PAK3: variants seen among roughly 807,000 people sequenced by gnomAD.
PAK3 encodes the protein serine/threonine-protein kinase PAK 3.
Under a neutral mutation model 41.0 loss-of-function variants are expected in PAK3, and 4 were observed. That is an observed-to-expected ratio of 0.10 (90% CI 0.05 to 0.22). The LOEUF is 0.22. PAK3 is among the 10% of genes least tolerant of loss of function. PAK3 has a pLI of 1.00. For synonymous variants in PAK3, 146 were observed against 139.6 expected, an observed-to-expected ratio of 1.05 and a Z score of -0.32; for missense variants, 205 against 409.9, an observed-to-expected ratio of 0.50 and a Z score of 4.32.
chrX:111,028,001 G>GTGTGTATATATATACACATATATA (rs1556448871), intron 1 of PAK3, among the ~76,000 whole-genome samples: 2 of 96,191 alleles, frequency 2.1e-5, no homozygotes, highest in African/African-American at 7.7e-5. Context: ...ATATGTGTGT[G>GTGTGTATATATATACACATATATA]TGTGTATATA....
intron 1 of PAK3, among the ~76,000 whole-genome samples, chrX:111,029,381 T>C (rs772659166): frequency 3.6e-5 from 4 of 110,718 alleles, no homozygotes; most frequent in Non-Finnish European, 7.6e-5. Flanking sequence ...AACTTTTCAG[T>C]CCCCCAAAAC....
At chrX:111,040,195 C>G (rs2092440495) in intron 1 of PAK3, among the ~76,000 whole-genome samples, 1 of 109,950 alleles carries the variant, frequency 9.1e-6, no homozygotes, top group Non-Finnish European at 1.9e-5. Flanking sequence ...TAGCCAAGTT[C>G]CACCGAATGA....
intron 1 of PAK3, among the ~76,000 whole-genome samples, chrX:110,998,103 T>C (rs1183790378): frequency 1.8e-5 from 2 of 111,501 alleles, no homozygotes; most frequent in Admixed American, 1.9e-4. Flanking sequence ...AATAGAGAAT[T>C]GAATATACAA....
At chrX:111,079,229 C>T (rs2092813393) in intron 1 of PAK3, among the ~76,000 whole-genome samples, 1 of 111,789 alleles carries the variant, frequency 8.9e-6, no homozygotes, top group Non-Finnish European at 1.9e-5. Context: ...GAGAAGATGC[C>T]ATCTAAGGAC....
chrX:111,149,389 C>T (rs935769157), intron 7 of PAK3, among the ~76,000 whole-genome samples: 9 of 112,123 alleles, frequency 8.0e-5, no homozygotes, highest in African/African-American at 2.9e-4. Context: ...CTCCACTAGG[C>T]AGTGCCCTAG....
intron 16 of PAK3, among the ~76,000 whole-genome samples, chrX:111,200,495 C>T (rs891454473): frequency 1.8e-5 from 2 of 112,137 alleles, no homozygotes; most frequent in Admixed American, 1.9e-4. Flanking sequence ...TGATTAGCTG[C>T]CTTCAGGGCT....
chrX:111,146,332 C>T (rs757067298), intron 6 of PAK3, among the ~76,000 whole-genome samples: 1 of 111,574 alleles, frequency 9.0e-6, no homozygotes, highest in East Asian at 2.8e-4. Flanking sequence ...TCTCTCTGTT[C>T]TCTTAAATCT....
At chrX:111,148,072 A>C (rs2093974451) in intron 7 of PAK3, 182 bp downstream of exon 7, 1 of 113,928 alleles carries the variant, frequency 8.8e-6, no homozygotes, top group Admixed American at 9.4e-5. Context: ...ATATAACTCA[A>C]GTATGTTTAG....
intron 1 of PAK3, among the ~76,000 whole-genome samples, chrX:111,006,849 C>CTTTCTTTCTTT (rs1556434441): frequency 1.7e-3 from 72 of 42,667 alleles, no homozygotes; most frequent in East Asian, 2.8e-3. Context: ...TTCTTTCTTT[C>CTTTCTTTCTTT]TTTTTTTTTT....
chrX:110,961,005 T>TA (rs778645098), intron 1 of PAK3, among the ~76,000 whole-genome samples: 1 of 111,245 alleles, frequency 9.0e-6, no homozygotes, highest in South Asian at 3.9e-4. Flanking sequence ...TGTCAATATA[T>TA]TTTTTTTCCT....
chrX:111,107,146 GT>G (rs1277514279), intron 4 of PAK3, among the ~76,000 whole-genome samples: 1 of 111,718 alleles, frequency 9.0e-6, no homozygotes, highest in African/African-American at 3.3e-5. Context: ...CATGTCTCTG[GT>G]TTTATATTTA....
chrX:111,060,751 C>T (rs755503649), intron 1 of PAK3, among the ~76,000 whole-genome samples: 90 of 111,399 alleles, frequency 8.1e-4, no homozygotes, highest in Non-Finnish European at 1.5e-3. Context: ...CCTTGTAGAC[C>T]GTCTTGCATT....
At chrX:111,211,690 AAG>A (rs1556320331) in intron 16 of PAK3, among the ~76,000 whole-genome samples, 1 of 109,335 alleles carries the variant, frequency 9.1e-6, no homozygotes, top group Non-Finnish European at 1.9e-5. Flanking sequence ...AAAAAAAAAA[AAG>A]AAAGAAAATG....
At chrX:111,046,628 G>A (rs1333709804) in intron 1 of PAK3, among the ~76,000 whole-genome samples, 3 of 111,566 alleles carry the variant, frequency 2.7e-5, no homozygotes, top group Non-Finnish European at 5.6e-5. Context: ...TGTAACCTCG[G>A]ACAAGTCACT....
intron 1 of PAK3, among the ~76,000 whole-genome samples, chrX:111,017,467 G>A (rs901101308): frequency 4.5e-5 from 5 of 111,369 alleles, no homozygotes; most frequent in Non-Finnish European, 9.4e-5. Flanking sequence ...ATGAAGAATG[G>A]CATGTTAACA....
At chrX:111,146,888 G>A (rs748895459) in intron 6 of PAK3, among the ~76,000 whole-genome samples, 7 of 111,784 alleles carry the variant, frequency 6.3e-5, no homozygotes, top group Non-Finnish European at 1.3e-4. Context: ...AATGCTCAAT[G>A]CAAAGCTAAC....
chrX:111,028,027 G>GTGTGTATATATATACATATATATA (rs2092296906), intron 1 of PAK3, among the ~76,000 whole-genome samples: 14 of 97,866 alleles, frequency 1.4e-4, no homozygotes, highest in Admixed American at 1.1e-3. Context: ...ACATATATAT[G>GTGTGTATATATATACATATATATA]TGTGTATATA....
intron 11 of PAK3, among the ~76,000 whole-genome samples, chrX:111,191,299 G>A (rs1024219587): frequency 8.1e-5 from 9 of 110,674 alleles, no homozygotes; most frequent in African/African-American, 1.7e-4. Context: ...GGATCTCACC[G>A]TGGTGCCCAG....
intron 12 of PAK3, 135 bp downstream of exon 12, chrX:111,192,310 C>G (rs1230609630): frequency 3.7e-6 from 2 of 540,302 alleles, no homozygotes; most frequent in African/African-American, 4.9e-5. Flanking sequence ...CCTTGGTGCC[C>G]AAAGCCTCTG....
Sources: allele counts gnomAD v4.1 joint callset (sites outside exome capture counted in the v4.1 genomes callset), GRCh38; gene constraint gnomAD v4.1.1; transcripts MANE v1.5; gene names NCBI Gene and HGNC (gene_info 2026-07-23, HGNC 2026-07-21).